Variants in SYT1 observed in about 807,000 individuals in gnomAD.
SYT1 encodes the protein synaptotagmin 1.
Under a neutral mutation model 44.8 loss-of-function variants are expected in SYT1, and 8 were observed. That is an observed-to-expected ratio of 0.18 (90% CI 0.10 to 0.32). SYT1 has a LOEUF of 0.32. SYT1 is among the 10% of genes least tolerant of loss of function. The pLI, the probability that SYT1 is intolerant of heterozygous loss-of-function variation, is 1.00. For missense variants in SYT1, 286 were observed against 509.3 expected (o/e 0.56, Z 4.22); for synonymous variants, 154 against 188.8 (o/e 0.82, Z 1.51).
chr12:79,338,503 G>A (rs974861031), intron 8 of SYT1, among the ~76,000 whole-genome samples: 13 of 151,362 alleles, frequency 8.6e-5, no homozygotes, highest in African/African-American at 3.2e-4. Context: ...GAACTCCTGA[G>A]CTCAAGTGAT....
At chr12:79,015,366 G>A (rs1029490369) in intron 2 of SYT1, among the ~76,000 whole-genome samples, 4 of 151,940 alleles carry the variant, frequency 2.6e-5, no homozygotes, top group Non-Finnish European at 5.9e-5. Flanking sequence ...TTGTCCTTTT[G>A]TTTTAAGTAA....
At chr12:79,023,925 T>A (rs1872357233) in intron 2 of SYT1, among the ~76,000 whole-genome samples, 2 of 150,610 alleles carry the variant, frequency 1.3e-5, no homozygotes, top group African/African-American at 4.9e-5. Flanking sequence ...ATAAGCACAT[T>A]TTCTTATATA....
chr12:79,319,818 G>C (rs1351668689), intron 8 of SYT1, among the ~76,000 whole-genome samples: 1 of 152,074 alleles, frequency 6.6e-6, no homozygotes, highest in Non-Finnish European at 1.5e-5. Context: ...TTCCACAATA[G>C]TGCAAGTTCC....
intron 3 of SYT1, among the ~76,000 whole-genome samples, chr12:79,096,036 G>A (rs1592745192): frequency 1.3e-5 from 2 of 151,956 alleles, no homozygotes; most frequent in Middle Eastern, 6.8e-3. Context: ...GGGAGGATGA[G>A]GGGAAGAAAT....
At chr12:78,990,087 T>G (rs1310922349) in intron 2 of SYT1, among the ~76,000 whole-genome samples, 1 of 152,132 alleles carries the variant, frequency 6.6e-6, no homozygotes, top group Non-Finnish European at 1.5e-5. Context: ...AAAATAAGTT[T>G]CTGGGTTTTT....
intron 9 of SYT1, among the ~76,000 whole-genome samples, chr12:79,407,348 C>T (rs1003504431): frequency 3.3e-5 from 5 of 152,040 alleles, no homozygotes; most frequent in African/African-American, 1.2e-4. Flanking sequence ...GAAAAGATGC[C>T]ATCCTACAAG....
intron 1 of SYT1, among the ~76,000 whole-genome samples, chr12:78,930,349 A>G (rs1877565888): frequency 6.6e-6 from 1 of 152,146 alleles, no homozygotes. Context: ...AATTGAAGGC[A>G]GAAAGGGAAG....
intron 3 of SYT1, among the ~76,000 whole-genome samples, chr12:79,076,027 CAT>C (rs1433629168): frequency 1.3e-5 from 2 of 151,980 alleles, no homozygotes; most frequent in African/African-American, 2.4e-5. Flanking sequence ...AATTTTATGA[CAT>C]GTCATAAAAT....
intron 2 of SYT1, among the ~76,000 whole-genome samples, chr12:79,033,358 C>T (rs1338660683): frequency 8.6e-5 from 13 of 151,332 alleles, no homozygotes; most frequent in African/African-American, 2.9e-4. Flanking sequence ...CTTAACTATA[C>T]GTTCCTCATG....
chr12:79,031,522 T>G (rs1238614373), intron 2 of SYT1, among the ~76,000 whole-genome samples: 3 of 151,176 alleles, frequency 2.0e-5, no homozygotes, highest in Non-Finnish European at 3.0e-5. Context: ...ATTTTATATT[T>G]ATGGCTTGAA....
At chr12:79,438,299 G>A (rs551875031) in intron 9 of SYT1, among the ~76,000 whole-genome samples, 1 of 152,252 alleles carries the variant, frequency 6.6e-6, no homozygotes, top group African/African-American at 2.4e-5. Flanking sequence ...TTGTATCCAG[G>A]ATATACTGAT....
In SYT1 at chr12:78,922,292, A is replaced by G. The variant is rs1335691699; in HGVS notation, c.-216-55507A>G. Among the ~76,000 whole-genome samples the G allele has an allele frequency of 2.0e-5, 3 of 152,054 alleles. No homozygotes were observed. In the East Asian group the frequency reaches 5.8e-4, roughly 29 times the overall value. ...CTATGTGCTCAATAAATATACAATG[A>G]ATGTGTAACTAATAGAGTCAAGAGG... On this transcript the variant is annotated intron_variant, in intron 1 of 10. Transcript: ENST00000261205.
intron 3 of SYT1, among the ~76,000 whole-genome samples, chr12:79,160,651 A>G (rs1000537105): frequency 5.9e-5 from 9 of 152,102 alleles, no homozygotes; most frequent in Non-Finnish European, 1.2e-4. Flanking sequence ...TAGATATGCT[A>G]TGTTGAAAGT....
chr12:78,956,993 A>G (rs1879249027), intron 1 of SYT1, among the ~76,000 whole-genome samples: 2 of 152,188 alleles, frequency 1.3e-5, no homozygotes, highest in Non-Finnish European at 2.9e-5. Flanking sequence ...TCCTTTGTCC[A>G]TTTTATCAGA....
intron 3 of SYT1, among the ~76,000 whole-genome samples, chr12:79,204,681 C>T (rs1417544858): frequency 6.6e-6 from 1 of 152,044 alleles, no homozygotes; most frequent in Non-Finnish European, 1.5e-5. Context: ...CAAATTGATC[C>T]ATGGAAGATT....
intron 2 of SYT1, among the ~76,000 whole-genome samples, chr12:78,988,322 T>G (rs1305373962): frequency 1.3e-5 from 2 of 150,458 alleles, no homozygotes; most frequent in Non-Finnish European, 3.0e-5. Flanking sequence ...ATGTTATCTT[T>G]ATATCAATAA....
chr12:79,373,465 A>G (rs1448803807), intron 9 of SYT1, among the ~76,000 whole-genome samples: 2 of 152,190 alleles, frequency 1.3e-5, no homozygotes, highest in African/African-American at 4.8e-5. Context: ...TCCCTTTAAA[A>G]TATAATTACT....
chr12:79,322,600 C>T (rs1022401048), intron 8 of SYT1, among the ~76,000 whole-genome samples: 6 of 152,074 alleles, frequency 3.9e-5, no homozygotes, highest in East Asian at 3.9e-4. Context: ...AACCCAGCCC[C>T]GTATTTCTGA....
chr12:79,324,486 G>A (rs936657058), intron 8 of SYT1, among the ~76,000 whole-genome samples: 4 of 152,078 alleles, frequency 2.6e-5, no homozygotes, highest in Non-Finnish European at 5.9e-5. Flanking sequence ...CACACTGAGT[G>A]GGCCATTGTA....
Sources: gnomAD v4.1 joint callset for allele counts (sites outside exome capture counted in the v4.1 genomes callset) on GRCh38, gnomAD v4.1.1 for gene constraint, MANE v1.5 for transcripts, NCBI Gene and HGNC (gene_info 2026-07-23, HGNC 2026-07-21) for gene names.